LRRC72: variants seen among roughly 807,000 people sequenced by gnomAD.
The protein encoded by LRRC72 is leucine rich repeat containing 72, also known as leucine-rich repeat-containing protein 72.
Under a neutral mutation model 35.8 loss-of-function variants are expected in LRRC72, and 41 were observed. The ratio of observed to expected loss-of-function variants is 1.15; its 90% CI spans 0.89 to 1.49. LRRC72 has a LOEUF of 1.49. Ranked by LOEUF, LRRC72 falls within the 40% of genes most tolerant of loss-of-function variation. The probability of loss-of-function intolerance (pLI) is 0.00; values close to 1 mark genes in which losing one functional copy is unlikely to be tolerated. For synonymous variants in LRRC72, 118 were observed against 119.2 expected (o/e 0.99, Z 0.07); for missense variants, 389 against 330.7 (o/e 1.18, Z -1.37).
intron 3 of LRRC72, among the ~76,000 whole-genome samples, chr7:16,549,349 T>C (rs1373119105): frequency 6.6e-6 from 1 of 152,156 alleles, no homozygotes; most frequent in African/African-American, 2.4e-5. Context: ...AGATATTGGA[T>C]AGATATTATG....
At chr7:16,541,782 G>A (rs778368820) in intron 3 of LRRC72, among the ~76,000 whole-genome samples, 1 of 152,138 alleles carries the variant, frequency 6.6e-6, no homozygotes, top group South Asian at 2.1e-4. Flanking sequence ...TGTGGTGGCG[G>A]GTACCTGTAA....
intron 3 of LRRC72, among the ~76,000 whole-genome samples, chr7:16,549,822 A>G (rs1000930651): frequency 6.6e-6 from 1 of 152,154 alleles, no homozygotes; most frequent in African/African-American, 2.4e-5. Context: ...AAAAAGTTAT[A>G]ACTGTGTCCC....
chr7:16,541,396 C>G (rs1782354607), intron 3 of LRRC72, among the ~76,000 whole-genome samples: 1 of 152,176 alleles, frequency 6.6e-6, no homozygotes, highest in African/African-American at 2.4e-5. Context: ...ATGTTTATAA[C>G]AATATTTCAA....
intron 3 of LRRC72, among the ~76,000 whole-genome samples, chr7:16,549,766 A>G (rs1267756736): frequency 6.6e-6 from 1 of 152,206 alleles, no homozygotes. Context: ...TCATTAGATA[A>G]GAAATTCCTT....
At chr7:16,580,134 AT>A in intron 8 of LRRC72, 33 bp downstream of exon 8, 1 of 336,852 alleles carries the variant, frequency 3.0e-6, no homozygotes, top group South Asian at 3.2e-5. Context: ...TTATTATCAG[AT>A]TATTTCATAA....
At chr7:16,572,754 G>A (rs1451587092) in intron 7 of LRRC72, among the ~76,000 whole-genome samples, 2 of 152,150 alleles carry the variant, frequency 1.3e-5, no homozygotes, top group African/African-American at 4.8e-5. Flanking sequence ...AGACAAGGAT[G>A]CCCTCTCTCA....
In LRRC72 at chr7:16,553,616, T is replaced by C. The variant is rs1278317395; in HGVS notation, c.235-3744T>C. ...GGGCATTTCACAATGTCTAGAGACA[T>C]TTCTGATTGGGACGTGTATGCTACT... On this transcript the variant is annotated intron_variant, in intron 3 of 8. Coordinates refer to ENST00000401542, the MANE Select transcript of LRRC72 (RefSeq NM_001195280.2). 3.9e-5 allele frequency among the ~76,000 whole-genome samples: 6 copies of C among 152,198 alleles called. No individual in the cohort carries two copies. The East Asian group carries it at 1.2e-3, about 29-fold the overall frequency.
At chr7:16,532,698 C>T (rs1782189720) in intron 2 of LRRC72, 130 bp downstream of exon 2, 1 of 758,250 alleles carries the variant, frequency 1.3e-6, no homozygotes, top group Non-Finnish European at 2.3e-6. Flanking sequence ...ATTATTTTAC[C>T]ACTTCCTGGA....
intron 1 of LRRC72, chr7:16,530,117 G>A (rs575729238): frequency 2.0e-5 from 3 of 151,804 alleles, no homozygotes; most frequent in East Asian, 1.9e-4. Flanking sequence ...TAGAGTTCTC[G>A]GGAGAAACAA....
chr7:16,558,559 G>A (rs769164463), intron 4 of LRRC72, among the ~76,000 whole-genome samples: 7 of 152,086 alleles, frequency 4.6e-5, no homozygotes, highest in Middle Eastern at 3.4e-3. Context: ...ACAGTGACCC[G>A]AGATTGTGCC....
At chr7:16,542,926 G>C (rs1246658333) in intron 3 of LRRC72, among the ~76,000 whole-genome samples, 1 of 152,066 alleles carries the variant, frequency 6.6e-6, no homozygotes, top group Non-Finnish European at 1.5e-5. Flanking sequence ...CTTTATGAAA[G>C]AGACTGGTTT....
intron 5 of LRRC72, 91 bp downstream of exon 5, chr7:16,559,090 A>G (rs1480622894): frequency 1.4e-6 from 1 of 727,456 alleles, no homozygotes; most frequent in Non-Finnish European, 2.2e-6. Context: ...TAGAGAGGCA[A>G]TGTTTATAAT....
chr7:16,563,094 C>A (rs1190175452), intron 5 of LRRC72, among the ~76,000 whole-genome samples: 2 of 152,174 alleles, frequency 1.3e-5, no homozygotes, highest in African/African-American at 4.8e-5. Flanking sequence ...TCTCTATAGG[C>A]TTTTAACTTC....
chr7:16,556,089 T>C (rs1782645407), intron 3 of LRRC72, among the ~76,000 whole-genome samples: 1 of 151,858 alleles, frequency 6.6e-6, no homozygotes, highest in Non-Finnish European at 1.5e-5. Flanking sequence ...AAAATAGGCG[T>C]TCTCCTTACA....
chr7:16,559,720 T>A (rs1234541871), intron 5 of LRRC72, among the ~76,000 whole-genome samples: 1 of 151,738 alleles, frequency 6.6e-6, no homozygotes, highest in Non-Finnish European at 1.5e-5. Context: ...TTGTGACAGC[T>A]AGAGAGTAAA....
Position 16,557,402 on chromosome 7 carries a change from G to T in LRRC72, c.277G>T (p.Glu93Ter). The change falls in exon 4 of 9, where the codon GAA (glutamate) becomes TAA (stop). Residue 93 changes from glutamate (E) to a stop codon, truncating the protein, a stop_gained. Transcript: ENST00000401542. LOFTEE classifies it high-confidence loss of function. Reference sequence around the variant, plus strand: ...TCTAACTAGAAACTATTGTCTGACAGAACTATATCTAAACAACAATGCAAT... The same window carrying T: ...TCTAACTAGAAACTATTGTCTGACATAACTATATCTAAACAACAATGCAAT... ...TFLTRNYCLT[E>*]LYLNNNAIFE... 1 of 1,336,156 alleles carries T rather than the reference G, an allele frequency of 7.5e-7. No individual in the cohort carries two copies. The highest frequency in any genetic ancestry group is 1.9e-5 in the South Asian group (1 of 51,434). 82.8% of individuals were successfully genotyped at this position (1,336,156 alleles called of 1,614,324 possible).
At chr7:16,543,289 T>C (rs1401680582) in intron 3 of LRRC72, among the ~76,000 whole-genome samples, 1 of 152,210 alleles carries the variant, frequency 6.6e-6, no homozygotes, top group Non-Finnish European at 1.5e-5. Flanking sequence ...TTTAGAGTCA[T>C]AACACATCAA....
chr7:16,573,247 A>T (rs1782978613), intron 7 of LRRC72, among the ~76,000 whole-genome samples: 1 of 152,216 alleles, frequency 6.6e-6, no homozygotes, highest in South Asian at 2.1e-4. Flanking sequence ...TTACAGATTC[A>T]ATGCTATCCT....
At chr7:16,554,495 G>T (rs1782614953) in intron 3 of LRRC72, among the ~76,000 whole-genome samples, 2 of 151,966 alleles carry the variant, frequency 1.3e-5, no homozygotes, top group African/African-American at 4.8e-5. Flanking sequence ...TTCTTCTCCT[G>T]CAACCTTTAC....
Sources: allele counts gnomAD v4.1 joint callset (sites outside exome capture counted in the v4.1 genomes callset), GRCh38; gene constraint gnomAD v4.1.1; transcripts MANE v1.5; gene names NCBI Gene and HGNC (gene_info 2026-07-23, HGNC 2026-07-21).